Variants in TTC28 observed in about 807,000 individuals in gnomAD.
TTC28 encodes the protein tetratricopeptide repeat protein 28.
In TTC28, 61 loss-of-function variants were observed where a neutral mutation model predicts 198.0. That is an observed-to-expected ratio of 0.31 (90% confidence interval 0.25 to 0.38). The LOEUF (loss-of-function observed/expected upper bound fraction) is 0.38. TTC28 is among the 10% of genes least tolerant of loss of function. The pLI is 1.00. For missense variants in TTC28, 2,678 were observed against 3,164.0 expected (o/e 0.85, Z 3.69); for synonymous variants, 1,171 against 1,297.8 (o/e 0.90, Z 2.10).
chr22:28,600,817 T>C (rs1322180030), intron 2 of TTC28, among the ~76,000 whole-genome samples: 1 of 152,236 alleles, frequency 6.6e-6, no homozygotes, highest in African/African-American at 2.4e-5. Context: ...TCTTAAAGCA[T>C]GGTCACAAGG....
intron 5 of TTC28, among the ~76,000 whole-genome samples, chr22:28,204,358 A>G (rs1305369855): frequency 6.6e-6 from 1 of 152,186 alleles, no homozygotes; most frequent in Non-Finnish European, 1.5e-5. Flanking sequence ...CATGGATTCA[A>G]TATCTCTGTC....
intron 2 of TTC28, among the ~76,000 whole-genome samples, chr22:28,489,379 C>A (rs923668821): frequency 1.4e-4 from 21 of 151,908 alleles, no homozygotes; most frequent in Admixed American, 6.6e-5. Flanking sequence ...TCCTATGATA[C>A]AACCATAACT....
At chr22:28,091,861 C>T (rs1004905006) in intron 12 of TTC28, among the ~76,000 whole-genome samples, 3 of 152,120 alleles carry the variant, frequency 2.0e-5, no homozygotes, top group African/African-American at 4.8e-5. Flanking sequence ...ATGAAAATGT[C>T]GGGTATAATG....
At chr22:28,659,398 A>G (rs1237370170) in intron 1 of TTC28, among the ~76,000 whole-genome samples, 2 of 151,988 alleles carry the variant, frequency 1.3e-5, no homozygotes, top group East Asian at 3.9e-4. Flanking sequence ...CCTCCCAAGT[A>G]GCTGGGCCTA....
intron 13 of TTC28, among the ~76,000 whole-genome samples, chr22:28,016,542 G>A (rs1397262227): frequency 6.6e-6 from 1 of 152,176 alleles, no homozygotes; most frequent in African/African-American, 2.4e-5. Flanking sequence ...TCTAGATGAT[G>A]GCCTGGACTA....
At chr22:28,109,539 A>G (rs2146907279) in intron 6 of TTC28, among the ~76,000 whole-genome samples, 1 of 152,382 alleles carries the variant, frequency 6.6e-6, no homozygotes, top group East Asian at 1.9e-4. Flanking sequence ...ACAGTGCTCC[A>G]AACAAACCTC....
chr22:28,015,765 G>GT (rs1160054900), intron 13 of TTC28, among the ~76,000 whole-genome samples: 1 of 151,830 alleles, frequency 6.6e-6, no homozygotes, highest in Admixed American at 6.6e-5. Flanking sequence ...ACTGTTCATA[G>GT]TTTAAGAGTT....
chr22:28,485,349 T>G (rs557911398), intron 2 of TTC28, among the ~76,000 whole-genome samples: 4 of 152,298 alleles, frequency 2.6e-5, no homozygotes, highest in Admixed American at 2.0e-4. Context: ...ACCAGAGTAA[T>G]CTATAACAGT....
rs533104984 is a variant in TTC28, at chr22:28,133,334, G to A, written c.1442-24931C>T. On this transcript the variant is annotated intron_variant, in intron 6 of 22. Coordinates refer to ENST00000397906, the MANE Select transcript of TTC28 (RefSeq NM_001145418.2). ...ATGGGTGATTTCTGCATTTCCAACTGAGGTACCAGGTTCATCTCACTGGGG... is the reference window on the plus strand; with the variant it reads ...ATGGGTGATTTCTGCATTTCCAACTAAGGTACCAGGTTCATCTCACTGGGG... 5.9e-5 allele frequency among the ~76,000 whole-genome samples: 9 copies of A among 152,324 alleles called. No individual in the cohort carries two copies. The South Asian group carries it at 1.9e-3, about 32-fold the overall frequency.
At chr22:28,387,311 C>T (rs2046624469) in intron 2 of TTC28, among the ~76,000 whole-genome samples, 3 of 152,292 alleles carry the variant, frequency 2.0e-5, no homozygotes, top group South Asian at 4.1e-4. Flanking sequence ...CATACGTGTG[C>T]ATGTGTCTTT....
intron 2 of TTC28, among the ~76,000 whole-genome samples, chr22:28,312,498 C>A (rs1450067569): frequency 1.3e-5 from 2 of 152,066 alleles, no homozygotes; most frequent in Non-Finnish European, 2.9e-5. Context: ...GAACAGAAAT[C>A]ACAACAAACT....
intron 5 of TTC28, among the ~76,000 whole-genome samples, chr22:28,182,377 C>T (rs1923780360): frequency 6.6e-6 from 1 of 152,084 alleles, no homozygotes; most frequent in Admixed American, 6.5e-5. Flanking sequence ...CCTTCAAAGA[C>T]AGTATTTACA....
chr22:28,499,378 C>G (rs1000430971), intron 2 of TTC28, among the ~76,000 whole-genome samples: 1 of 152,078 alleles, frequency 6.6e-6, no homozygotes, highest in South Asian at 2.1e-4. Context: ...TATCAGAAAA[C>G]TATGTAATTT....
chr22:28,609,575 C>T (rs1330515727), intron 2 of TTC28, among the ~76,000 whole-genome samples: 1 of 152,226 alleles, frequency 6.6e-6, no homozygotes, highest in African/African-American at 2.4e-5. Context: ...GTCTTTGCAA[C>T]CCACAGACTG....
intron 12 of TTC28, among the ~76,000 whole-genome samples, chr22:28,057,720 AG>A (rs1305857581): frequency 3.3e-5 from 5 of 152,016 alleles, no homozygotes; most frequent in Admixed American, 3.3e-4. Context: ...ACAGTTTTAT[AG>A]TTTTATTTAT....
chr22:28,223,618 C>T (rs1315269078), intron 5 of TTC28, among the ~76,000 whole-genome samples: 1 of 152,164 alleles, frequency 6.6e-6, no homozygotes, highest in Admixed American at 6.5e-5. Flanking sequence ...AAAGAGATTT[C>T]TCTGAAAAGG....
intron 2 of TTC28, among the ~76,000 whole-genome samples, chr22:28,488,886 C>G (rs1029239146): frequency 2.0e-5 from 3 of 152,102 alleles, no homozygotes; most frequent in East Asian, 3.9e-4. Flanking sequence ...GGAAACAAGC[C>G]ACCATGAGCA....
intron 6 of TTC28, among the ~76,000 whole-genome samples, chr22:28,158,766 A>G (rs1295661537): frequency 6.6e-6 from 1 of 152,220 alleles, no homozygotes; most frequent in African/African-American, 2.4e-5. Flanking sequence ...TCACATCAAA[A>G]TTGATTAAAG....
At chr22:28,468,640 C>A (rs1007425955) in intron 2 of TTC28, among the ~76,000 whole-genome samples, 2 of 151,772 alleles carry the variant, frequency 1.3e-5, no homozygotes, top group African/African-American at 4.8e-5. Flanking sequence ...TCTCCTGCCT[C>A]AGCCTCCAGA....
Sources: gnomAD v4.1 joint callset for allele counts (sites outside exome capture counted in the v4.1 genomes callset) on GRCh38, gnomAD v4.1.1 for gene constraint, MANE v1.5 for transcripts, NCBI Gene and HGNC (gene_info 2026-07-23, HGNC 2026-07-21) for gene names.